NPAS3: variants seen among roughly 807,000 people sequenced by gnomAD.
The protein encoded by NPAS3 is neuronal PAS domain protein 3, also known as neuronal PAS domain-containing protein 3.
NPAS3 carries 14 observed loss-of-function variants against 73.1 expected under a neutral mutation model. That is an observed-to-expected ratio of 0.19 (90% CI 0.13 to 0.30). The LOEUF (loss-of-function observed/expected upper bound fraction) is 0.30, where lower values mean the gene tolerates loss of function less well. Ranked by LOEUF, NPAS3 falls within the 10% of genes least tolerant of loss-of-function variation. The pLI, the probability that NPAS3 is intolerant of heterozygous loss-of-function variation, is 1.00. For synonymous variants in NPAS3, 620 were observed against 541.5 expected (o/e 1.14, Z -2.01); for missense variants, 1,096 against 1,250.0 (o/e 0.88, Z 1.86).
intron 4 of NPAS3, among the ~76,000 whole-genome samples, chr14:33,372,851 G>C (rs1022012311): frequency 1.3e-5 from 2 of 152,154 alleles, no homozygotes; most frequent in African/African-American, 4.8e-5. Flanking sequence ...AAAAATCCGA[G>C]AACTTGAGGA....
chr14:33,032,125 A>G (rs2040015684), intron 1 of NPAS3, among the ~76,000 whole-genome samples: 1 of 152,228 alleles, frequency 6.6e-6, no homozygotes, highest in Non-Finnish European at 1.5e-5. Flanking sequence ...AAATTTGTTT[A>G]GGTGAATAGT....
At chr14:33,388,573 GGTTATATTAA>G (rs1480367307) in intron 4 of NPAS3, among the ~76,000 whole-genome samples, 5 of 152,102 alleles carry the variant, frequency 3.3e-5, no homozygotes, top group East Asian at 1.9e-4. Flanking sequence ...TGTGGGGAAA[GGTTATATTAA>G]GTTATATTAA....
At chr14:33,352,257 C>T (rs1211847111) in intron 3 of NPAS3, among the ~76,000 whole-genome samples, 2 of 152,188 alleles carry the variant, frequency 1.3e-5, no homozygotes, top group Non-Finnish European at 2.9e-5. Flanking sequence ...TTCTCTGAGA[C>T]TTTTCTAACT....
intron 10 of NPAS3, among the ~76,000 whole-genome samples, chr14:33,795,895 A>C (rs1464213445): frequency 6.6e-6 from 1 of 152,182 alleles, no homozygotes; most frequent in Non-Finnish European, 1.5e-5. Context: ...CTTCAACCTC[A>C]AAAGCTTCAA....
chr14:33,304,960 A>G (rs1450537986), intron 3 of NPAS3, among the ~76,000 whole-genome samples: 2 of 152,282 alleles, frequency 1.3e-5, no homozygotes, highest in East Asian at 1.9e-4. Flanking sequence ...CCCAAGCCCA[A>G]TTACATATAT....
At chr14:33,675,934 C>T (rs2059749778) in intron 5 of NPAS3, among the ~76,000 whole-genome samples, 1 of 151,950 alleles carries the variant, frequency 6.6e-6, no homozygotes, top group African/African-American at 2.4e-5. Flanking sequence ...GCAGACTCGT[C>T]CACATTTCAC....
intron 3 of NPAS3, among the ~76,000 whole-genome samples, chr14:33,324,331 G>A (rs911945587): frequency 6.6e-6 from 1 of 152,084 alleles, no homozygotes; most frequent in Non-Finnish European, 1.5e-5. Context: ...AATGACAGTC[G>A]GGGACCTTCT....
intron 5 of NPAS3, among the ~76,000 whole-genome samples, chr14:33,563,784 C>T (rs2055785854): frequency 6.6e-6 from 1 of 152,098 alleles, no homozygotes; most frequent in Admixed American, 6.5e-5. Flanking sequence ...CTGTTCATGA[C>T]AGCTCTGCTT....
At chr14:33,669,212 C>G (rs1260986836) in intron 5 of NPAS3, among the ~76,000 whole-genome samples, 1 of 152,162 alleles carries the variant, frequency 6.6e-6, no homozygotes, top group East Asian at 1.9e-4. Flanking sequence ...ATGTTTCTTT[C>G]TTGGCATCGT....
intron 4 of NPAS3, among the ~76,000 whole-genome samples, chr14:33,386,387 C>G (rs1179952308): frequency 6.6e-6 from 1 of 152,118 alleles, no homozygotes; most frequent in Admixed American, 6.6e-5. Flanking sequence ...CCACAGAATC[C>G]TTCTTAAAGA....
chr14:32,988,012 G>A (rs981743547), intron 1 of NPAS3, among the ~76,000 whole-genome samples: 3 of 151,958 alleles, frequency 2.0e-5, no homozygotes, highest in African/African-American at 7.2e-5. Flanking sequence ...TTCCCCTCCT[G>A]ATTCTACATC....
chr14:33,224,710 A>T (rs2139732736), intron 3 of NPAS3, among the ~76,000 whole-genome samples: 1 of 152,184 alleles, frequency 6.6e-6, no homozygotes, highest in African/African-American at 2.4e-5. Flanking sequence ...CATTTACATT[A>T]TATGTGAACA....
chr14:33,559,527 A>T (rs1395817966), intron 4 of NPAS3, among the ~76,000 whole-genome samples: 2 of 152,232 alleles, frequency 1.3e-5, no homozygotes, highest in African/African-American at 4.8e-5. Context: ...TCCAAAAAAA[A>T]TAAAGGCAAC....
downstream of NPAS3, chr14:33,802,385 A>AAG (rs2063735710): frequency 1.3e-5 from 2 of 150,270 alleles, no homozygotes; most frequent in Admixed American, 1.3e-4. Context: ...GTAAAAAAAA[A>AAG]AAAAAAGAAA....
chr14:33,497,506 G>C (rs1347559455), intron 4 of NPAS3, among the ~76,000 whole-genome samples: 2 of 152,046 alleles, frequency 1.3e-5, no homozygotes, highest in South Asian at 4.1e-4. Context: ...AAGATATATA[G>C]ACCAATGGAA....
At chr14:33,002,893 GT>G (rs138204889) in intron 1 of NPAS3, among the ~76,000 whole-genome samples, 3,031 of 152,166 alleles carry the variant, frequency 0.02, 72 homozygotes, top group African/African-American at 0.056. Context: ...TCCCAACTTT[GT>G]TGTTGTTGGG....
chr14:33,362,147 G>T (rs1027628266), intron 3 of NPAS3, among the ~76,000 whole-genome samples: 3 of 152,164 alleles, frequency 2.0e-5, no homozygotes, highest in African/African-American at 7.2e-5. Context: ...TATGGGTTAA[G>T]CTGGTACCCA....
chr14:33,799,986 A>G (rs1240743406), exon 12 of NPAS3: 1 of 1,613,660 alleles, frequency 6.2e-7, no homozygotes, highest in Admixed American at 1.7e-5. Flanking sequence ...GTGGAGCGCT[A>G]CGTGGAGAGC....
Position 33,149,686 on chromosome 14 carries a change from G to C in NPAS3, c.141-65496G>C, listed in dbSNP as rs542084940. 8.2e-4 allele frequency among the ~76,000 whole-genome samples: 125 copies of C among 152,262 alleles called. 1 individual carries two copies. Among genetic ancestry groups the C allele is most frequent in the African/African-American group, 2.8e-3 (118 of 41,554 alleles). ...ATATTTATTGAATTAAAACAGTAAT[G>C]TAGAAAGCCTTTAGATATTTGGTTC... On this transcript the variant is annotated intron_variant, in intron 2 of 11. Coordinates refer to ENST00000356141, the Ensembl canonical transcript of NPAS3.
Sources: allele counts gnomAD v4.1 joint callset (sites outside exome capture counted in the v4.1 genomes callset), GRCh38; gene constraint gnomAD v4.1.1; transcripts MANE v1.5; gene names NCBI Gene and HGNC (gene_info 2026-07-23, HGNC 2026-07-21).